CDC40: variants seen among roughly 807,000 people sequenced by gnomAD.
CDC40 encodes the protein cell division cycle 40, also known as pre-mRNA-processing factor 17.
In CDC40, 27 loss-of-function variants were observed where a neutral mutation model predicts 80.6. The observed-to-expected ratio is 0.33, with a 90% CI of 0.25 to 0.46. CDC40 has a LOEUF of 0.46. CDC40 is among the 20% of genes least tolerant of loss of function. CDC40 has a pLI of 1.00. For synonymous variants in CDC40, 221 were observed against 232.6 expected (o/e 0.95, Z 0.45); for missense variants, 486 against 694.1 (o/e 0.70, Z 3.37).
Position 110,185,208 on chromosome 6 carries a change from T to A in CDC40, c.189+4575T>A, listed in dbSNP as rs12660088. Among the ~76,000 whole-genome samples the A allele has an allele frequency of 3.4e-4, 51 of 151,694 alleles. No homozygotes were observed. In the South Asian group the frequency reaches 9.8e-3, roughly 29 times the overall value. Reference sequence around the variant, plus strand: ...AGTTTCTGTCACTTCTTTCTTTCTCTCTTTCACCCTTTCTTTTTCTTCATC... The same window carrying A: ...AGTTTCTGTCACTTCTTTCTTTCTCACTTTCACCCTTTCTTTTTCTTCATC... On this transcript the variant is annotated intron_variant, in intron 1 of 14. Transcript: ENST00000307731.
At chr6:110,186,763 CAT>C (rs1485209731) in intron 1 of CDC40, among the ~76,000 whole-genome samples, 4 of 152,066 alleles carry the variant, frequency 2.6e-5, no homozygotes, top group African/African-American at 4.8e-5. Flanking sequence ...ATAGGATACA[CAT>C]GTGTAGATTT....
At chr6:110,193,577 T>C (rs1777380244) in intron 2 of CDC40, among the ~76,000 whole-genome samples, 1 of 152,086 alleles carries the variant, frequency 6.6e-6, no homozygotes, top group Non-Finnish European at 1.5e-5. Flanking sequence ...GCTAATTTTT[T>C]TGTATTTTTA....
chr6:110,184,274 G>A (rs1777237099), intron 1 of CDC40, among the ~76,000 whole-genome samples: 1 of 152,046 alleles, frequency 6.6e-6, no homozygotes, highest in Non-Finnish European at 1.5e-5. Context: ...GAATTAAGTT[G>A]GAAAGTTCTG....
At chr6:110,203,428 T>A (rs1029415448) in intron 3 of CDC40, among the ~76,000 whole-genome samples, 2 of 152,204 alleles carry the variant, frequency 1.3e-5, no homozygotes, top group Admixed American at 6.5e-5. Flanking sequence ...CCTTCCCTCA[T>A]TTGCAAAGTG....
At chr6:110,191,828 G>T (rs79512580) in intron 1 of CDC40, among the ~76,000 whole-genome samples, 1 of 152,112 alleles carries the variant, frequency 6.6e-6, no homozygotes. Flanking sequence ...ACTCAACTCC[G>T]TCATTTTATG....
intron 4 of CDC40, among the ~76,000 whole-genome samples, chr6:110,207,912 T>G (rs547403946): frequency 2.6e-5 from 4 of 152,338 alleles, no homozygotes; most frequent in African/African-American, 9.6e-5. Context: ...TTTTGGCAAT[T>G]GATTTCTCAA....
rs1295958072 is a variant in CDC40 at position 110,185,243 on chromosome 6, T to TTTC, written c.189+4612_189+4613insCTT. 1.9e-3 allele frequency among the ~76,000 whole-genome samples: 261 copies of TTTC among 140,510 alleles called. 2 individuals are homozygous for TTTC. Among genetic ancestry groups the TTTC allele is most frequent in the African/African-American group, 6.8e-3 (254 of 37,478 alleles). 92.2% of individuals were successfully genotyped at this position (140,510 alleles called of 152,430 possible). A position where few individuals can be genotyped will look rare whatever the true frequency, so the allele number is the denominator to read the frequency against. On this transcript the variant is annotated intron_variant, in intron 1 of 14. Transcript: ENST00000307731. ...TTTCTTTTTCTTCATCTTTTTTTCT[T>TTTC]TTTTTTTTTTTTTTTTGGAGACGGA...
intron 13 of CDC40, among the ~76,000 whole-genome samples, chr6:110,227,948 TA>T (rs1777887520): frequency 1.3e-5 from 2 of 152,226 alleles, no homozygotes; most frequent in African/African-American, 4.8e-5. Context: ...CATGCATTCC[TA>T]ACAACAAGGG....
At chr6:110,216,574 G>A (rs186116963) in intron 9 of CDC40, among the ~76,000 whole-genome samples, 1 of 152,268 alleles carries the variant, frequency 6.6e-6, no homozygotes, top group East Asian at 1.9e-4. Context: ...TGAAGGAGAT[G>A]ATAGAAGCTC....
chr6:110,226,328 C>A (rs1436342891), intron 13 of CDC40, 85 bp downstream of exon 13: 15 of 775,728 alleles, frequency 1.9e-5, no homozygotes, highest in Non-Finnish European at 3.2e-5. Context: ...TGGCCCCTTC[C>A]TTCTTGGGGA....
chr6:110,213,032 T>C, intron 7 of CDC40, 54 bp from the exon 8 acceptor site: 1 of 1,190,962 alleles, frequency 8.4e-7, no homozygotes, highest in Non-Finnish European at 1.3e-6. Context: ...TGATGCTTCA[T>C]TTGAGCTGAT....
intron 2 of CDC40, among the ~76,000 whole-genome samples, chr6:110,197,206 T>C (rs1343856490): frequency 6.6e-6 from 1 of 152,208 alleles, no homozygotes; most frequent in Non-Finnish European, 1.5e-5. Flanking sequence ...CACTACTTCA[T>C]TCAGTTGACA....
chr6:110,215,276 T>G lies in CDC40; in HGVS notation c.943-10T>G. The G allele has an allele frequency of 6.2e-7, 1 of 1,610,992 alleles. No individual in the cohort carries two copies. Among genetic ancestry groups the G allele is most frequent in the Non-Finnish European group, 8.5e-7 (1 of 1,177,178 alleles). On this transcript the variant is annotated splice_polypyrimidine_tract_variant and intron_variant, in intron 8 of 14. Coordinates refer to ENST00000307731, the MANE Select transcript of CDC40 (RefSeq NM_015891.3). ...TAATATTTCCATGTGTTGTTTTTTT[T>G]CTCCCCCAGCTATGGGAGGTTTATG...
chr6:110,210,286 G>A (rs764393241), intron 5 of CDC40, among the ~76,000 whole-genome samples: 4 of 151,490 alleles, frequency 2.6e-5, no homozygotes, highest in South Asian at 2.1e-4. Flanking sequence ...GAGCTTGGCC[G>A]GGCCTGTAAG....
intron 14 of CDC40, among the ~76,000 whole-genome samples, chr6:110,229,582 A>G (rs113324569): frequency 1.4e-3 from 207 of 152,316 alleles, no homozygotes; most frequent in African/African-American, 4.8e-3. Flanking sequence ...AAAAGTAATT[A>G]TGAAAGTGTT....
chr6:110,197,953 A>AT (rs920204499), intron 2 of CDC40, among the ~76,000 whole-genome samples: 7 of 151,956 alleles, frequency 4.6e-5, no homozygotes, highest in Admixed American at 1.3e-4. Context: ...TCTATTTTTA[A>AT]TTTTTTGAGG....
chr6:110,205,579 T>C (rs1777551436), intron 3 of CDC40, among the ~76,000 whole-genome samples: 1 of 152,178 alleles, frequency 6.6e-6, no homozygotes, highest in Non-Finnish European at 1.5e-5. Flanking sequence ...AAGCATAACT[T>C]ATTTTTCTGA....
intron 13 of CDC40, among the ~76,000 whole-genome samples, chr6:110,228,286 G>A (rs1443660789): frequency 6.6e-6 from 1 of 152,192 alleles, no homozygotes; most frequent in Non-Finnish European, 1.5e-5. Context: ...CATGACTATA[G>A]ACGCTGCAGT....
chr6:110,213,828 C>T (rs1392909155), intron 8 of CDC40, among the ~76,000 whole-genome samples: 1 of 152,148 alleles, frequency 6.6e-6, no homozygotes, highest in African/African-American at 2.4e-5. Flanking sequence ...TGGGAAGCTC[C>T]ATCTTTAGCT....
Sources: gnomAD v4.1 joint callset for allele counts (sites outside exome capture counted in the v4.1 genomes callset) on GRCh38, gnomAD v4.1.1 for gene constraint, MANE v1.5 for transcripts, NCBI Gene and HGNC (gene_info 2026-07-23, HGNC 2026-07-21) for gene names.